C22orf23: variants seen among roughly 807,000 people sequenced by gnomAD.
C22orf23 encodes chromosome 22 open reading frame 23.
Under a neutral mutation model 29.7 loss-of-function variants are expected in C22orf23, and 30 were observed. That is an observed-to-expected ratio of 1.01 (90% CI 0.76 to 1.37). The LOEUF (loss-of-function observed/expected upper bound fraction) is 1.37, where lower values mean the gene tolerates loss of function less well. Ranked by LOEUF, C22orf23 falls within the 40% of genes most tolerant of loss-of-function variation. The probability of loss-of-function intolerance (pLI) is 0.00; values close to 1 mark genes in which losing one functional copy is unlikely to be tolerated. For synonymous variants in C22orf23, 90 were observed against 96.1 expected, an observed-to-expected ratio of 0.94 and a Z score of 0.37; for missense variants, 237 against 273.1, an observed-to-expected ratio of 0.87 and a Z score of 0.93.
At chr22:37,945,305 A>C (rs1930631410) in intron 4 of C22orf23, 132 bp from the exon 5 acceptor site, 1 of 1,088,710 alleles carries the variant, frequency 9.2e-7, no homozygotes, top group Non-Finnish European at 1.3e-6. Flanking sequence ...ACCTGCTGCT[A>C]CCCTGGGTTC....
intron 5 of C22orf23, 176 bp downstream of exon 5, chr22:37,944,866 C>T (rs899800560): frequency 6.9e-6 from 5 of 724,364 alleles, no homozygotes; most frequent in Non-Finnish European, 1.1e-5. Flanking sequence ...CGCCACTGCA[C>T]TCTAGCCTGG....
rs759406418 is a variant in C22orf23, at chr22:37,951,529, G to A, written c.104-7C>T. ...TTGGATTCCTTCATCATCACTGCAC[G>A]ACAAAGCATTCTATGAGGCCTCTTG... On this transcript the variant is annotated splice_region_variant and splice_polypyrimidine_tract_variant and intron_variant, in intron 2 of 6. Coordinates refer to ENST00000403305, the MANE Select transcript of C22orf23 (RefSeq NM_032561.5). 18 of 1,613,680 alleles carry A rather than the reference G, an allele frequency of 1.1e-5. No homozygotes were observed. The highest frequency in any genetic ancestry group is 1.3e-5 in the African/African-American group (1 of 74,980).
Position 37,949,354 on chromosome 22 carries a change from GCT to G in C22orf23, c.167-1893_167-1892del, listed in dbSNP as rs1196151439. On this transcript the variant is annotated intron_variant, in intron 3 of 6. Transcript: ENST00000403305. The stretch of plus-strand genomic sequence containing the variant: ...GCTGGAGTGCAGTGGCATGATCTTG[GCT>G]CTCTGCAACCTACACCTCCTGGGTA... 1.3e-5 allele frequency among the ~76,000 whole-genome samples: 2 copies of G among 150,604 alleles called. 1 individual carries two copies. The highest frequency in any genetic ancestry group is 2.9e-5 in the Non-Finnish European group (2 of 67,842).
Position 37,953,154 on chromosome 22 carries a change from G to A in C22orf23, c.-5C>T, listed in dbSNP as rs758913141. ...CATCTGCTTCTGTGAAGCCATGGGA[G>A]GACTCTGAGGAGGGAAAGACGCAAT... is the stretch of plus-strand genomic sequence containing the variant. On this transcript the variant is annotated 5_prime_UTR_variant, in exon 2 of 7. Coordinates refer to ENST00000403305, the MANE Select transcript of C22orf23 (RefSeq NM_032561.5). The A allele has an allele frequency of 6.2e-7, 1 of 1,607,976 alleles. No individual in the cohort carries two copies. Among genetic ancestry groups the A allele is most frequent in the Admixed American group, 1.7e-5 (1 of 59,412 alleles).
intron 6 of C22orf23, 47 bp from the exon 7 acceptor site, chr22:37,944,293 G>A (rs757003646): frequency 1.2e-6 from 2 of 1,613,884 alleles, no homozygotes; most frequent in South Asian, 2.2e-5. Flanking sequence ...CTAGGAACCT[G>A]AGGAGCTGTC....
chr22:37,951,369 T>C, intron 3 of C22orf23, 91 bp downstream of exon 3: 2 of 1,160,670 alleles, frequency 1.7e-6, no homozygotes, highest in Non-Finnish European at 1.3e-6. Context: ...GTTTTTTTTA[T>C]ATGAGGTCCT....
intron 6 of C22orf23, 22 bp downstream of exon 6, chr22:37,944,395 C>G (rs746071688): frequency 6.2e-7 from 1 of 1,613,970 alleles, no homozygotes; most frequent in Admixed American, 1.7e-5. Flanking sequence ...CCCCTCCCCA[C>G]TTTCCTGGTT....
Position 37,944,253 on chromosome 22 carries a change from AG to A in C22orf23, c.583-8del. On this transcript the variant is annotated splice_region_variant and splice_polypyrimidine_tract_variant and intron_variant, in intron 6 of 6. Transcript: ENST00000403305. ...CTTCCATTTCCCGGAGTTTCTGCAA[AG>A]GGCATCAGGGAAAGCAGGTGTATCA... The A allele has an allele frequency of 6.2e-7, 1 of 1,614,148 alleles. No individual in the cohort carries two copies. The highest frequency in any genetic ancestry group is 8.5e-7 in the Non-Finnish European group (1 of 1,180,024).
intron 3 of C22orf23, among the ~76,000 whole-genome samples, chr22:37,950,136 G>A (rs760964527): frequency 1.3e-5 from 2 of 151,250 alleles, no homozygotes; most frequent in Non-Finnish European, 2.9e-5. Context: ...TTTTTGAGAC[G>A]ATGTCTTGCT....
At chr22:37,944,772 G>A (rs968189072) in intron 5 of C22orf23, 9 of 565,168 alleles carry the variant, frequency 1.6e-5, no homozygotes, top group Admixed American at 9.6e-5. Flanking sequence ...GGTGGCGGGC[G>A]CTGGTAATCC....
intron 4 of C22orf23, among the ~76,000 whole-genome samples, chr22:37,946,874 A>T (rs1321364826): frequency 7.4e-5 from 9 of 121,442 alleles, no homozygotes; most frequent in African/African-American, 2.0e-4. Flanking sequence ...CTCTGTCTTT[A>T]AAAAAAAAAA....
chr22:37,945,296 C>T, intron 4 of C22orf23, 123 bp from the exon 5 acceptor site: 2 of 1,161,724 alleles, frequency 1.7e-6, no homozygotes, highest in Non-Finnish European at 2.4e-6. Flanking sequence ...CTTCCGTACA[C>T]CTGCTGCTAC....
intron 3 of C22orf23, among the ~76,000 whole-genome samples, chr22:37,948,301 T>A (rs1174876398): frequency 2.0e-5 from 3 of 151,906 alleles, no homozygotes; most frequent in Non-Finnish European, 4.4e-5. Flanking sequence ...ACAAAAAAAA[T>A]TAGCCAGGCA....
intron 3 of C22orf23, among the ~76,000 whole-genome samples, 179 bp from the exon 4 acceptor site, chr22:37,947,642 C>G (rs1287690411): frequency 6.7e-6 from 1 of 149,838 alleles, no homozygotes; most frequent in Non-Finnish European, 1.5e-5. Context: ...TCCCAAGTAA[C>G]TGGGATTACA....
chr22:37,944,032 G>C lies in C22orf23; in HGVS notation c.*143C>G. On this transcript the variant is annotated 3_prime_UTR_variant, in exon 7 of 7. Coordinates refer to ENST00000403305, the MANE Select transcript of C22orf23 (RefSeq NM_032561.5). Reference sequence around the variant, plus strand: ...GGGGCTAGGCTGCTGAGTATGCCTTGGGGTACTGCAGGGCAGTGCTATGCC... The same window carrying C: ...GGGGCTAGGCTGCTGAGTATGCCTTCGGGTACTGCAGGGCAGTGCTATGCC... The C allele has an allele frequency of 5.3e-6, 4 of 755,632 alleles. No individual in the cohort carries two copies. The highest frequency in any genetic ancestry group is 7.0e-6 in the Non-Finnish European group (3 of 426,496). The allele number at this position is 755,632 out of a possible 1,614,324, so 46.8% of individuals were successfully genotyped here.
rs1569154453 is a variant in C22orf23, at chr22:37,944,059, C to A, written c.*116G>T. On this transcript the variant is annotated 3_prime_UTR_variant, in exon 7 of 7. Coordinates refer to ENST00000403305, the MANE Select transcript of C22orf23 (RefSeq NM_032561.5). ...GGTACTGCAGGGCAGTGCTATGCCA[C>A]CACCTGACGTGGCAGAAGGCTGGTA... 5.2e-6 allele frequency: 5 copies of A among 953,046 alleles called. No homozygotes were observed. The highest frequency in any genetic ancestry group is 1.6e-5 in the African/African-American group (1 of 62,188). 59.0% of individuals were successfully genotyped at this position (953,046 alleles called of 1,614,324 possible). A position where few individuals can be genotyped will look rare whatever the true frequency, so the allele number is the denominator to read the frequency against.
At chr22:37,945,196 C>T (rs1217537866) in intron 4 of C22orf23, 23 bp from the exon 5 acceptor site, 1 of 1,602,074 alleles carries the variant, frequency 6.2e-7, no homozygotes, top group Admixed American at 1.7e-5. Flanking sequence ...AAAGAAATGG[C>T]CTAGTTAGGC....
In C22orf23 at chr22:37,944,438, G is replaced by A. The variant is rs200118186; in HGVS notation, c.561C>T (p.Ile187=). Residue 187 remains isoleucine (I), a synonymous_variant, in exon 6 of 7, where the codon ATC becomes ATT. Coordinates refer to ENST00000403305, the MANE Select transcript of C22orf23 (RefSeq NM_032561.5). The part of the protein sequence containing the change: ...ALGQGKQYRG[I]ILAEISQKLR... ...CTACCTGGGAGATTTCAGCAAGGAT[G>A]ATTCCTCGGTACTGTTTGCCCTGTC... 4.3e-6 allele frequency: 7 copies of A among 1,614,088 alleles called. No individual in the cohort carries two copies. The Admixed American group carries it at 5.0e-5, about 12-fold the overall frequency.
At chr22:37,950,605 TAATTTTAAA>T (rs1441229887) in intron 3 of C22orf23, among the ~76,000 whole-genome samples, 1 of 151,948 alleles carries the variant, frequency 6.6e-6, no homozygotes, top group Non-Finnish European at 1.5e-5. Context: ...CACACCTGGC[TAATTTTAAA>T]AAATTTTGGG....
Sources: gnomAD v4.1 joint callset for allele counts (sites outside exome capture counted in the v4.1 genomes callset) on GRCh38, gnomAD v4.1.1 for gene constraint, MANE v1.5 for transcripts, NCBI Gene and HGNC (gene_info 2026-07-23, HGNC 2026-07-21) for gene names.